Variants in SLC46A1 observed in about 807,000 individuals in gnomAD.
SLC46A1 encodes the protein solute carrier family 46 member 1, also known as proton-coupled folate transporter.
In SLC46A1, 17 loss-of-function variants were observed where a neutral mutation model predicts 32.1. The observed-to-expected ratio is 0.53, with a 90% CI of 0.36 to 0.79. The LOEUF is 0.79. SLC46A1 is among the 30% of genes least tolerant of loss of function. SLC46A1 has a pLI of 0.00. For synonymous variants in SLC46A1, 240 were observed against 262.7 expected, an observed-to-expected ratio of 0.91 and a Z score of 0.84; for missense variants, 517 against 588.2, an observed-to-expected ratio of 0.88 and a Z score of 1.25.
chr17:28,405,908 G>A lies in SLC46A1; in HGVS notation c.207C>T (p.Arg69=), dbSNP rs2068256026. The A allele has an allele frequency of 1.2e-6, 2 of 1,603,084 alleles. No individual in the cohort carries two copies. The highest frequency in any genetic ancestry group is 1.9e-4 in the Middle Eastern group (1 of 5,270). Residue 69 remains arginine (R), a synonymous_variant, in exon 1 of 5, where the codon CGC becomes CGT. Transcript: ENST00000612814. The part of the protein sequence containing the change: ...GTRQRGGCSN[R]SADPTMQEVE... ...CTACCTGCATGGTGGGGTCCGCGCTGCGGTTGCTGCAGCCCCCCCTTTGGC... is the reference window on the plus strand; with the variant it reads ...CTACCTGCATGGTGGGGTCCGCGCTACGGTTGCTGCAGCCCCCCCTTTGGC...
rs541069777 is a variant in SLC46A1 at position 28,400,718 on chromosome 17, G to A, written c.1214C>T (p.Thr405Met). The change falls in exon 4 of 5, where the codon ACG becomes ATG. Residue 405 changes from threonine to methionine, a missense_variant. Coordinates refer to ENST00000612814, the MANE Select transcript of SLC46A1 (RefSeq NM_080669.6). ...VACVNSLAML[T>M]ASGIFNSLYP... ...GAGTGAGTTGAAGATGCCGGAGGCC[G>A]TCAGCATGGCCAGGCTATTCACACA... The A allele has an allele frequency of 1.8e-5, 29 of 1,603,440 alleles. No homozygotes were observed. Among genetic ancestry groups the A allele is most frequent in the Middle Eastern group, 1.7e-4 (1 of 5,852 alleles).
intron 4 of SLC46A1, 87 bp from the exon 5 acceptor site, chr17:28,399,800 G>A (rs1355632216): frequency 9.7e-6 from 14 of 1,440,976 alleles, no homozygotes; most frequent in Non-Finnish European, 1.4e-5. Flanking sequence ...TTACTGGGGT[G>A]GGCTGGTCCA....
In SLC46A1 at chr17:28,395,803, C is replaced by G; in HGVS notation, c.*3853G>C. ...TGGACATCAGGACTGGTGTCCTGCC[C>G]TGGGCCCAGCCTCGGGCCAGTGGGC... On this transcript the variant is annotated 3_prime_UTR_variant, in exon 5 of 5. Transcript: ENST00000612814. 1 of 1,364,030 alleles carries G rather than the reference C, an allele frequency of 7.3e-7. No homozygotes were observed. The allele number at this position is 1,364,030 out of a possible 1,614,324, so 84.5% of individuals were successfully genotyped here.
Position 28,400,654 on chromosome 17 carries a change from G to A in SLC46A1, c.1278C>T (p.Phe426=). ...TGAGCAGGAGGCCAGCTCCCAGGAG[G>A]AAGGGGAACCCCTTCATAAAGTTCA... ...ATLNFMKGFP[F]LLGAGLLLIP... The change falls in exon 4 of 5, where the codon TTC becomes TTT. Residue 426 remains phenylalanine, a synonymous_variant. Transcript: ENST00000612814. 6.2e-7 allele frequency: 1 copy of A among 1,613,750 alleles called. No homozygotes were observed.
At position 28,395,753 on chromosome 17, in the gene SLC46A1, A is replaced by G. The variant is rs564802425; in HGVS notation, c.*3903T>C. 2.0e-5 allele frequency: 15 copies of G among 737,980 alleles called. No homozygotes were observed. The highest frequency in any genetic ancestry group is 3.5e-5 in the African/African-American group (2 of 56,882). 45.7% of individuals were successfully genotyped at this position (737,980 alleles called of 1,614,324 possible). On this transcript the variant is annotated 3_prime_UTR_variant, in exon 5 of 5. Coordinates refer to ENST00000612814, the MANE Select transcript of SLC46A1 (RefSeq NM_080669.6). ...AAAAATATTTATTTTTTATTACACT[A>G]CAAGGGTTAAGGTAGACATCAAGGT... is the stretch of plus-strand genomic sequence containing the variant.
At chr17:28,400,317 T>A in intron 4 of SLC46A1, 2 of 412,696 alleles carry the variant, frequency 4.8e-6, no homozygotes, top group South Asian at 4.9e-5. Flanking sequence ...GCTGCCATAG[T>A]TCCATCTATA....
At chr17:28,400,476 G>C in intron 4 of SLC46A1, 134 bp downstream of exon 4, 1 of 1,242,834 alleles carries the variant, frequency 8.0e-7, no homozygotes, top group South Asian at 1.5e-5. Flanking sequence ...TGCAAGGAGA[G>C]GGGCAACCTG....
rs2068108299 is a variant in SLC46A1 at position 28,395,448 on chromosome 17, C to T, written c.*4208G>A. 6.4e-6 allele frequency: 1 copy of T among 156,866 alleles called. No individual in the cohort carries two copies. The highest frequency in any genetic ancestry group is 2.4e-5 in the African/African-American group (1 of 41,442). 9.7% of individuals were successfully genotyped at this position (156,866 alleles called of 1,614,324 possible). A position where few individuals can be genotyped will look rare whatever the true frequency, so the allele number is the denominator to read the frequency against. Reference sequence around the variant, plus strand: ...TTGTTTGGGGGTTTTTATGGAGGTTCCATTATGTAGGCATGATTGATTAAA... The same window carrying T: ...TTGTTTGGGGGTTTTTATGGAGGTTTCATTATGTAGGCATGATTGATTAAA... On this transcript the variant is annotated 3_prime_UTR_variant, in exon 5 of 5. Transcript: ENST00000612814.
chr17:28,405,149 A>T lies in SLC46A1; in HGVS notation c.548T>A (p.Leu183Gln). Residue 183 changes from leucine (L) to glutamine (Q), a missense_variant, in exon 2 of 5, where the codon CTG (leucine) becomes CAG (glutamine). Physicochemically the swap from Leu to Gln is moderately radical, Grantham distance 113. Coordinates refer to ENST00000612814, the MANE Select transcript of SLC46A1 (RefSeq NM_080669.6). ...SSRSRTFRMA[L>Q]LEASIGVAGM... The stretch of plus-strand genomic sequence containing the variant: ...AGCCACCCCGATGCTGGCTTCCAGC[A>T]GGGCCATCCGGAAGGTGCGGCTGCG... The T allele has an allele frequency of 6.2e-7, 1 of 1,612,122 alleles. No homozygotes were observed.
In SLC46A1 at chr17:28,404,747, G is replaced by C; in HGVS notation, c.950C>G (p.Thr317Ser). The change falls in exon 2 of 5, where the codon ACC becomes AGC. Residue 317 changes from threonine (T) to serine (S), a missense_variant. Transcript: ENST00000612814. ...CAGGAGCTTCAGGGCCAGCAGGCTG[G>C]TGAGGTAGGGGAGATGCTGAGCTGC... Reference protein sequence around the residue: ...GSAAQHLPYLTSLLALKLLQY... With the variant: ...GSAAQHLPYLSSLLALKLLQY... 1 of 1,614,060 alleles carries C rather than the reference G, an allele frequency of 6.2e-7. No homozygotes were observed.
chr17:28,406,216 C>T, upstream of SLC46A1: 2 of 898,304 alleles, frequency 2.2e-6, no homozygotes, highest in Non-Finnish European at 3.0e-6. This position sits in a 1 kb window ranked among gnomAD's most constrained non-coding sequence, Gnocchi z 4.5. Context: ...GCTGTCTGCG[C>T]CTGCGCCCGG....
chr17:28,396,227 G>C lies in SLC46A1; in HGVS notation c.*3429C>G, dbSNP rs1567812372. The C allele has an allele frequency of 5.6e-6, 9 of 1,614,004 alleles. No homozygotes were observed. The highest frequency in any genetic ancestry group is 7.6e-6 in the Non-Finnish European group (9 of 1,179,876). ...CTTCCTGCAGGGCCGCTCCTCCCGG[G>C]ACTCATCTGCAGGCTCTGACACCAG... On this transcript the variant is annotated 3_prime_UTR_variant, in exon 5 of 5. Transcript: ENST00000612814.
In SLC46A1 at chr17:28,406,065, G is replaced by A. The variant is rs1336934743; in HGVS notation, c.50C>T (p.Ala17Val). The A allele has an allele frequency of 2.5e-6, 4 of 1,596,198 alleles. No individual in the cohort carries two copies. Among genetic ancestry groups the A allele is most frequent in the Non-Finnish European group, 1.7e-6 (2 of 1,173,290 alleles). Reference sequence around the variant, plus strand: ...TACCGGGCCCCGGCACAGCACGGCAGCCGCAGGGCGGGCGCGGGGCTTTTC... The same window carrying A: ...TACCGGGCCCCGGCACAGCACGGCAACCGCAGGGCGGGCGCGGGGCTTTTC... ...PPEKPRARPAAAVLCRGPVEP... is the reference protein window; with the variant it reads ...PPEKPRARPAVAVLCRGPVEP... The change falls in exon 1 of 5, where the codon GCT (alanine) becomes GTT (valine). Residue 17 changes from alanine to valine, a missense_variant. Transcript: ENST00000612814. This position sits in a 1 kb window ranked among gnomAD's most constrained non-coding sequence, Gnocchi z 4.5.
intron 3 of SLC46A1, 177 bp from the exon 4 acceptor site, chr17:28,400,943 A>G: frequency 1.5e-6 from 1 of 654,164 alleles, no homozygotes; most frequent in Admixed American, 2.2e-5. Context: ...TCATATGTGG[A>G]CAGTAGCTGG....
chr17:28,405,904 C>A lies in SLC46A1; in HGVS notation c.211G>T (p.Ala71Ser). The A allele has an allele frequency of 6.3e-7, 1 of 1,599,572 alleles. No homozygotes were observed. The highest frequency in any genetic ancestry group is 8.5e-7 in the Non-Finnish European group (1 of 1,174,280). ...CCCGCTACCTGCATGGTGGGGTCCG[C>A]GCTGCGGTTGCTGCAGCCCCCCCTT... is the stretch of plus-strand genomic sequence containing the variant. Reference protein sequence around the residue: ...RQRGGCSNRSADPTMQEVETL... With the variant: ...RQRGGCSNRSSDPTMQEVETL... The change falls in exon 1 of 5, where the codon GCG (alanine) becomes TCG (serine). Residue 71 changes from alanine to serine, a missense_variant. Transcript: ENST00000612814.
At position 28,404,960 on chromosome 17, in the gene SLC46A1, C is replaced by G. The variant is rs782222724; in HGVS notation, c.737G>C (p.Arg246Pro). ...EPKSTRLFTF[R>P]HHRSIVQLYV... Reference sequence around the variant, plus strand: ...GAGCTGGACAATGGATCGGTGGTGACGGAACGTGAAGAGCCGGGTGGACTT... The same window carrying G: ...GAGCTGGACAATGGATCGGTGGTGAGGGAACGTGAAGAGCCGGGTGGACTT... Residue 246 changes from arginine to proline, a missense_variant, in exon 2 of 5, where the codon CGT becomes CCT. By Grantham distance (103) the Arg-to-Pro change is moderately radical (BLOSUM62 -2). Coordinates refer to ENST00000612814, the MANE Select transcript of SLC46A1 (RefSeq NM_080669.6). The G allele has an allele frequency of 6.2e-7, 1 of 1,613,994 alleles. No homozygotes were observed. The highest frequency in any genetic ancestry group is 1.1e-5 in the South Asian group (1 of 91,078).
upstream of SLC46A1, chr17:28,406,449 C>A (rs569736174): frequency 1.3e-5 from 4 of 296,538 alleles, no homozygotes; most frequent in Admixed American, 5.2e-5. The surrounding 1 kb of genome is among the most constrained non-coding windows in gnomAD (Gnocchi z 4.5). Context: ...CATGTATTGA[C>A]CACTTACTAT....
chr17:28,405,925 C>A lies in SLC46A1; in HGVS notation c.190G>T (p.Gly64Trp), dbSNP rs782360877. Reference protein sequence around the residue: ...DLGYNGTRQRGGCSNRSADPT... With the variant: ...DLGYNGTRQRWGCSNRSADPT... ...TCCGCGCTGCGGTTGCTGCAGCCCC[C>A]CCTTTGGCGGGTGCCATTGTAGCCG... Residue 64 changes from glycine to tryptophan, a missense_variant, in exon 1 of 5, where the codon GGG (glycine) becomes TGG (tryptophan). Physicochemically the swap from Gly to Trp is radical, Grantham distance 184 (BLOSUM62 -2). Coordinates refer to ENST00000612814, the MANE Select transcript of SLC46A1 (RefSeq NM_080669.6). The A allele has an allele frequency of 2.5e-6, 4 of 1,609,586 alleles. No individual in the cohort carries two copies. The highest frequency in any genetic ancestry group is 1.8e-4 in the Middle Eastern group (1 of 5,556).
chr17:28,400,879 T>A, intron 3 of SLC46A1, 113 bp from the exon 4 acceptor site: 2 of 907,916 alleles, frequency 2.2e-6, no homozygotes, highest in Non-Finnish European at 3.5e-6. Flanking sequence ...ATGTCTCCCC[T>A]TCCTCACCAG....
Sources: allele counts gnomAD v4.1 joint callset, GRCh38; gene constraint gnomAD v4.1.1; non-coding constraint Gnocchi (gnomAD v3.1); transcripts MANE v1.5; gene names NCBI Gene and HGNC (gene_info 2026-07-23, HGNC 2026-07-21).